Variants in MED13L observed in about 807,000 individuals in gnomAD.
MED13L encodes the protein mediator complex subunit 13L.
Under a neutral mutation model 220.9 loss-of-function variants are expected in MED13L, and 7 were observed. The ratio of observed to expected loss-of-function variants is 0.03; its 90% CI spans 0.02 to 0.06. The LOEUF (loss-of-function observed/expected upper bound fraction) is 0.06. MED13L is among the 10% of genes least tolerant of loss of function. The pLI, the probability that MED13L is intolerant of heterozygous loss-of-function variation, is 1.00. For synonymous variants in MED13L, 1,011 were observed against 1,015.2 expected, an observed-to-expected ratio of 1.00 and a Z score of 0.08; for missense variants, 1,965 against 2,760.5, an observed-to-expected ratio of 0.71 and a Z score of 6.46.
At chr12:116,238,514 C>A in intron 1 of MED13L, among the ~76,000 whole-genome samples, 1 of 152,328 alleles carries the variant, frequency 6.6e-6, no homozygotes, top group Middle Eastern at 3.4e-3. Flanking sequence ...TTATAAACTA[C>A]AGCTATATAT....
chr12:116,195,783 A>G (rs1226503613), intron 2 of MED13L, among the ~76,000 whole-genome samples: 1 of 151,838 alleles, frequency 6.6e-6, no homozygotes, highest in Non-Finnish European at 1.5e-5. Context: ...TTATAAAGGG[A>G]AAAAAAATCA....
At chr12:116,078,726 T>G (rs1302782029) in intron 4 of MED13L, among the ~76,000 whole-genome samples, 2 of 152,208 alleles carry the variant, frequency 1.3e-5, no homozygotes, top group African/African-American at 4.8e-5. Context: ...CCAAAAATAC[T>G]AATTATCTGG....
chr12:116,116,780 A>G (rs1164662235), intron 2 of MED13L, among the ~76,000 whole-genome samples: 1 of 151,496 alleles, frequency 6.6e-6, no homozygotes, highest in Non-Finnish European at 1.5e-5. Flanking sequence ...CCCCTGCAAA[A>G]CTGATTAATT....
chr12:116,104,605 C>G (rs1019631734), intron 3 of MED13L, among the ~76,000 whole-genome samples: 6 of 152,112 alleles, frequency 3.9e-5, no homozygotes, highest in African/African-American at 1.4e-4. Context: ...CTCTGAAGAG[C>G]CATTATGTTT....
At chr12:116,009,886 C>T in intron 9 of MED13L, among the ~76,000 whole-genome samples, 1 of 152,102 alleles carries the variant, frequency 6.6e-6, no homozygotes, top group East Asian at 1.9e-4. Flanking sequence ...CTACATGATG[C>T]CAAGGTTTAA....
intron 3 of MED13L, among the ~76,000 whole-genome samples, chr12:116,096,974 A>C (rs1489607438): frequency 6.6e-6 from 1 of 152,236 alleles, no homozygotes; most frequent in Non-Finnish European, 1.5e-5. Flanking sequence ...AATGTAAACA[A>C]AAGTAAGCAA....
intron 2 of MED13L, among the ~76,000 whole-genome samples, chr12:116,160,713 AG>A (rs1357965981): frequency 6.6e-6 from 1 of 151,864 alleles, no homozygotes; most frequent in East Asian, 1.9e-4. Flanking sequence ...GCGGGACTGC[AG>A]GCACACATGA....
intron 2 of MED13L, among the ~76,000 whole-genome samples, chr12:116,137,700 G>A (rs547267246): frequency 4.6e-5 from 7 of 152,202 alleles, no homozygotes; most frequent in African/African-American, 1.7e-4. Flanking sequence ...GCAGCAGACT[G>A]CACCCAGCGT....
At chr12:116,224,924 T>C (rs2138408188) in intron 2 of MED13L, among the ~76,000 whole-genome samples, 1 of 152,238 alleles carries the variant, frequency 6.6e-6, no homozygotes, top group Non-Finnish European at 1.5e-5. Flanking sequence ...ACTGATACTC[T>C]GGCCTCAAGC....
intron 4 of MED13L, among the ~76,000 whole-genome samples, chr12:116,074,957 A>G (rs1168932496): frequency 6.6e-6 from 1 of 152,262 alleles, no homozygotes; most frequent in South Asian, 2.1e-4. Context: ...AGCAAGGTTC[A>G]TTTAAAACAA....
Position 115,961,654 on chromosome 12 carries a change from G to C in MED13L, c.6501-256C>G, listed in dbSNP as rs771157313. ...CCAGTAGGAACTTGCGTGGACTGCA[G>C]GTAAAGTAGGCACTGGAGCCCAAAC... On this transcript the variant is annotated intron_variant, in intron 30 of 30. Transcript: ENST00000281928. 15 of 517,872 alleles carry C rather than the reference G, an allele frequency of 2.9e-5. No individual in the cohort carries two copies. The South Asian group carries it at 3.0e-4, about 10-fold the overall frequency. The allele number at this position is 517,872 out of a possible 1,614,324, so 32.1% of individuals were successfully genotyped here. A position where few individuals can be genotyped will look rare whatever the true frequency, so the allele number is the denominator to read the frequency against.
chr12:115,987,427 G>T, intron 17 of MED13L, 139 bp from the exon 18 acceptor site: 1 of 748,874 alleles, frequency 1.3e-6, no homozygotes, highest in Admixed American at 2.4e-5. Context: ...TGACTTAGGA[G>T]TCAGGAGGAA....
chr12:115,988,215 G>A lies in MED13L; in HGVS notation c.3935-927C>T, dbSNP rs143251076. On this transcript the variant is annotated intron_variant, in intron 17 of 30. Coordinates refer to ENST00000281928, the MANE Select transcript of MED13L (RefSeq NM_015335.5). ...ACACAGGATGATTAAGGATTCTTAA[G>A]ACATTTTCAAACGTGTCCCTAAATC... Among the ~76,000 whole-genome samples, 233 of 152,294 alleles carry A rather than the reference G, an allele frequency of 1.5e-3. 1 individual carries two copies. Among genetic ancestry groups the A allele is most frequent in the Admixed American group, 2.5e-3 (38 of 15,296 alleles).
At chr12:116,124,124 G>A (rs1236657424) in intron 2 of MED13L, among the ~76,000 whole-genome samples, 2 of 25,608 alleles carry the variant, frequency 7.8e-5, no homozygotes, top group Non-Finnish European at 1.6e-4. Flanking sequence ...AGAGAAAGAC[G>A]AGAGAGAGAG....
intron 4 of MED13L, among the ~76,000 whole-genome samples, chr12:116,052,493 A>T (rs1868593265): frequency 6.6e-6 from 1 of 152,226 alleles, no homozygotes; most frequent in Admixed American, 6.5e-5. Flanking sequence ...TATACTGTAG[A>T]AATTAATTCT....
rs1875631505 is a variant in MED13L at position 115,959,571 on chromosome 12, T to G, written c.*1695A>C. On this transcript the variant is annotated 3_prime_UTR_variant, in exon 31 of 31. Transcript: ENST00000281928. ...ATTTTCCTTTCTGATTAAGAAAAAA[T>G]AGCACTGCAATATTTTTAAAGTCAA... 1 of 152,558 alleles carries G rather than the reference T, an allele frequency of 6.6e-6. No individual in the cohort carries two copies. 9.5% of individuals were successfully genotyped at this position (152,558 alleles called of 1,614,324 possible).
At chr12:116,085,143 C>T (rs1246684790) in intron 4 of MED13L, among the ~76,000 whole-genome samples, 1 of 152,136 alleles carries the variant, frequency 6.6e-6, no homozygotes, top group African/African-American at 2.4e-5. Context: ...ATATATGAAG[C>T]ACGTTTAAGA....
chr12:116,223,793 C>A (rs1450718272), intron 2 of MED13L, among the ~76,000 whole-genome samples: 1 of 152,138 alleles, frequency 6.6e-6, no homozygotes, highest in Non-Finnish European at 1.5e-5. Context: ...GAATTCAATG[C>A]ATCAAGAAAA....
At chr12:116,235,780 GATAA>G (rs1347737448) in intron 2 of MED13L, among the ~76,000 whole-genome samples, 1 of 152,086 alleles carries the variant, frequency 6.6e-6, no homozygotes, top group Non-Finnish European at 1.5e-5. Context: ...CGTTGGCATA[GATAA>G]ATAAATTTAT....
Sources: allele counts gnomAD v4.1 joint callset (sites outside exome capture counted in the v4.1 genomes callset), GRCh38; gene constraint gnomAD v4.1.1; transcripts MANE v1.5; gene names NCBI Gene and HGNC (gene_info 2026-07-23, HGNC 2026-07-21).